ST6GALNAC3: variants seen among roughly 807,000 people sequenced by gnomAD.
The protein encoded by ST6GALNAC3 is ST6 N-acetylgalactosaminide alpha-2,6-sialyltransferase 3, also known as alpha-N-acetylgalactosaminide alpha-2,6-sialyltransferase 3.
A neutral mutation model predicts 32.7 loss-of-function variants in ST6GALNAC3; 25 were observed. The ratio of observed to expected loss-of-function variants is 0.76; its 90% CI spans 0.56 to 1.07. The LOEUF (loss-of-function observed/expected upper bound fraction) is 1.07. Ranked by LOEUF, ST6GALNAC3 falls within the 50% of genes least tolerant of loss-of-function variation. ST6GALNAC3 has a pLI of 0.00. For synonymous variants in ST6GALNAC3, 129 were observed against 133.1 expected (o/e 0.97, Z 0.21); for missense variants, 355 against 382.4 (o/e 0.93, Z 0.60).
chr1:76,155,297 G>A (rs895386500), intron 1 of ST6GALNAC3, among the ~76,000 whole-genome samples: 3 of 152,088 alleles, frequency 2.0e-5, no homozygotes, highest in Non-Finnish European at 4.4e-5. Flanking sequence ...CGCCTACACT[G>A]GAGCCATGAG....
intron 1 of ST6GALNAC3, among the ~76,000 whole-genome samples, chr1:76,145,514 T>C (rs1650623128): frequency 6.6e-6 from 1 of 152,242 alleles, no homozygotes; most frequent in African/African-American, 2.4e-5. Flanking sequence ...TGCATGTTAC[T>C]CTTTGAGAAG....
At chr1:76,291,117 G>T (rs935000248) in intron 1 of ST6GALNAC3, among the ~76,000 whole-genome samples, 1 of 152,214 alleles carries the variant, frequency 6.6e-6, no homozygotes, top group African/African-American at 2.4e-5. Flanking sequence ...TGTTCTAAGT[G>T]ACCGCCATAA....
intron 2 of ST6GALNAC3, among the ~76,000 whole-genome samples, chr1:76,390,946 A>ATTTTTTT (rs58114434): frequency 7.4e-5 from 9 of 121,060 alleles, no homozygotes; most frequent in Admixed American, 4.1e-4. Flanking sequence ...ATATATATGT[A>ATTTTTTT]TTTTTTTTTT....
intron 3 of ST6GALNAC3, among the ~76,000 whole-genome samples, chr1:76,446,866 A>G (rs749189328): frequency 6.6e-6 from 1 of 151,966 alleles, no homozygotes; most frequent in Non-Finnish European, 1.5e-5. Context: ...AGTCCATTAA[A>G]CCCTTTTTCC....
At chr1:76,243,812 C>T (rs1232381746) in intron 1 of ST6GALNAC3, among the ~76,000 whole-genome samples, 8 of 148,992 alleles carry the variant, frequency 5.4e-5, no homozygotes, top group East Asian at 2.0e-4. Context: ...TTGGTCTATT[C>T]GATTTGGTAC....
chr1:76,207,101 T>C (rs1480537950), intron 1 of ST6GALNAC3, among the ~76,000 whole-genome samples: 3 of 152,242 alleles, frequency 2.0e-5, no homozygotes, highest in Admixed American at 2.0e-4. Flanking sequence ...TTCTATAATT[T>C]TAATAGTCAC....
chr1:76,525,789 G>GTA (rs1475642074), intron 3 of ST6GALNAC3, among the ~76,000 whole-genome samples: 303 of 58,884 alleles, frequency 5.1e-3, no homozygotes, highest in Non-Finnish European at 8.9e-3. Context: ...GTGTGTGTGT[G>GTA]TGTATATATA....
At chr1:76,150,778 G>A (rs1476033977) in intron 1 of ST6GALNAC3, among the ~76,000 whole-genome samples, 1 of 152,222 alleles carries the variant, frequency 6.6e-6, no homozygotes, top group Non-Finnish European at 1.5e-5. Context: ...TATCGGTGCA[G>A]AGATTTCTCC....
intron 1 of ST6GALNAC3, among the ~76,000 whole-genome samples, chr1:76,232,859 A>G (rs1656448856): frequency 6.6e-6 from 1 of 152,196 alleles, no homozygotes; most frequent in African/African-American, 2.4e-5. Flanking sequence ...GAGATGAGCC[A>G]CTGTCAGCTG....
intron 1 of ST6GALNAC3, among the ~76,000 whole-genome samples, chr1:76,177,088 A>G (rs1652902443): frequency 6.6e-6 from 1 of 152,214 alleles, no homozygotes; most frequent in African/African-American, 2.4e-5. Context: ...ACAAAAAGTA[A>G]GAAGAAAAGA....
chr1:76,176,800 A>G (rs1244393029), intron 1 of ST6GALNAC3, among the ~76,000 whole-genome samples: 1 of 152,250 alleles, frequency 6.6e-6, no homozygotes, highest in African/African-American at 2.4e-5. Flanking sequence ...AGGGGAATGG[A>G]AAGTTATTGT....
At chr1:76,534,795 C>A (rs1251399699) in intron 3 of ST6GALNAC3, among the ~76,000 whole-genome samples, 1 of 152,106 alleles carries the variant, frequency 6.6e-6, no homozygotes, top group Admixed American at 6.6e-5. Context: ...CATAGGTGAT[C>A]AGGTAATAGG....
At chr1:76,495,385 C>T (rs920663532) in intron 3 of ST6GALNAC3, among the ~76,000 whole-genome samples, 5 of 152,064 alleles carry the variant, frequency 3.3e-5, no homozygotes, top group East Asian at 1.9e-4. Context: ...TGGGAAGATA[C>T]GTATGACTGC....
intron 2 of ST6GALNAC3, among the ~76,000 whole-genome samples, chr1:76,352,613 T>C (rs1414544890): frequency 6.6e-6 from 1 of 151,694 alleles, no homozygotes; most frequent in Non-Finnish European, 1.5e-5. Context: ...CTAATCTAAT[T>C]ACATTGCTTT....
chr1:76,210,257 A>G (rs1655071917), intron 1 of ST6GALNAC3, among the ~76,000 whole-genome samples: 1 of 152,176 alleles, frequency 6.6e-6, no homozygotes, highest in Non-Finnish European at 1.5e-5. Context: ...TAGTGTCTTG[A>G]AAGCCTTCTT....
Position 76,250,504 on chromosome 1 carries a change from A to G in ST6GALNAC3, c.19-63301A>G, listed in dbSNP as rs568306562. Among the ~76,000 whole-genome samples the G allele has an allele frequency of 1.1e-4, 16 of 152,304 alleles. 1 individual carries two copies. The highest frequency in any genetic ancestry group is 3.9e-4 in the Admixed American group (6 of 15,284). Reference sequence around the variant, plus strand: ...CAATTCCTGCTCACTTGGAAGCGTTAATCCATGGAAAGTAAGCAGAGGCCT... The same window carrying G: ...CAATTCCTGCTCACTTGGAAGCGTTGATCCATGGAAAGTAAGCAGAGGCCT... On this transcript the variant is annotated intron_variant, in intron 1 of 4. Coordinates refer to ENST00000328299, the MANE Select transcript of ST6GALNAC3 (RefSeq NM_152996.4).
At chr1:76,131,498 A>G (rs1649606972) in intron 1 of ST6GALNAC3, among the ~76,000 whole-genome samples, 2 of 152,212 alleles carry the variant, frequency 1.3e-5, no homozygotes, top group Admixed American at 6.5e-5. Context: ...GGCATTGGCC[A>G]AGTCCGTGAC....
chr1:76,074,903 G>A lies in ST6GALNAC3; in HGVS notation c.18+19G>A. The A allele has an allele frequency of 6.3e-7, 1 of 1,586,710 alleles. No homozygotes were observed. Among genetic ancestry groups the A allele is most frequent in the Non-Finnish European group, 8.6e-7 (1 of 1,167,252 alleles). Reference sequence around the variant, plus strand: ...CCTGAAGGTAACGACTTGGATCTGTGGCTCGGACGCGTGGTTGGCCAGCCC... The same window carrying A: ...CCTGAAGGTAACGACTTGGATCTGTAGCTCGGACGCGTGGTTGGCCAGCCC... On this transcript the variant is annotated intron_variant, in intron 1 of 4. Transcript: ENST00000328299.
chr1:76,348,847 A>G (rs984671310), intron 2 of ST6GALNAC3, among the ~76,000 whole-genome samples: 5 of 152,224 alleles, frequency 3.3e-5, no homozygotes, highest in South Asian at 2.1e-4. Context: ...ATGTATTTAC[A>G]TATACAATAC....
Sources: allele counts gnomAD v4.1 joint callset (sites outside exome capture counted in the v4.1 genomes callset), GRCh38; gene constraint gnomAD v4.1.1; transcripts MANE v1.5; gene names NCBI Gene and HGNC (gene_info 2026-07-23, HGNC 2026-07-21).